PPP1R16B: variants seen among roughly 807,000 people sequenced by gnomAD.
PPP1R16B encodes protein phosphatase 1 regulatory inhibitor subunit 16B.
A neutral mutation model predicts 61.7 loss-of-function variants in PPP1R16B; 14 were observed. That is an observed-to-expected ratio of 0.23 (90% CI 0.15 to 0.35). The LOEUF (loss-of-function observed/expected upper bound fraction) is 0.35, where lower values mean the gene tolerates loss of function less well. Ranked by LOEUF, PPP1R16B falls within the 10% of genes least tolerant of loss-of-function variation. The pLI, the probability that PPP1R16B is intolerant of heterozygous loss-of-function variation, is 1.00. For missense variants in PPP1R16B, 547 were observed against 752.5 expected (o/e 0.73, Z 3.19); for synonymous variants, 266 against 305.3 (o/e 0.87, Z 1.34).
chr20:38,882,700 G>A (rs961262144), intron 2 of PPP1R16B, among the ~76,000 whole-genome samples: 2 of 152,182 alleles, frequency 1.3e-5, no homozygotes, highest in Admixed American at 6.5e-5. Flanking sequence ...TGCTGTAAAG[G>A]ACAAAAGCAG....
intron 10 of PPP1R16B, among the ~76,000 whole-genome samples, chr20:38,917,520 G>C (rs2085552270): frequency 6.6e-6 from 1 of 152,066 alleles, no homozygotes; most frequent in African/African-American, 2.4e-5. Flanking sequence ...TGTTATCCAA[G>C]GATTATTAGG....
intron 10 of PPP1R16B, among the ~76,000 whole-genome samples, chr20:38,910,011 G>A (rs1265229458): frequency 1.3e-5 from 2 of 151,862 alleles, no homozygotes; most frequent in South Asian, 2.1e-4. Flanking sequence ...ATGGAGCCTC[G>A]CTCTGTTACC....
chr20:38,820,903 T>C (rs1262377264), intron 1 of PPP1R16B, among the ~76,000 whole-genome samples: 1 of 151,630 alleles, frequency 6.6e-6, no homozygotes, highest in Non-Finnish European at 1.5e-5. Context: ...TAGCTAGGCA[T>C]GGTGGCAGGC....
At position 38,833,404 on chromosome 20, in the gene PPP1R16B, A is replaced by G. The variant is rs183272049; in HGVS notation, c.-101-2421A>G. Among the ~76,000 whole-genome samples, 367 of 152,304 alleles carry G rather than the reference A, an allele frequency of 2.4e-3. 6 individuals carry two copies. The highest frequency in any genetic ancestry group is 1.3e-3 in the Non-Finnish European group (91 of 68,014). On this transcript the variant is annotated intron_variant, in intron 1 of 10. Coordinates refer to ENST00000299824, the MANE Select transcript of PPP1R16B (RefSeq NM_015568.4). The stretch of plus-strand genomic sequence containing the variant: ...TGCATAAAACAAAACACATCCAAAT[A>G]AGTACATGTGAAACTAGGGAAATCG...
At chr20:38,870,165 T>G (rs567670221) in intron 2 of PPP1R16B, among the ~76,000 whole-genome samples, 1 of 152,010 alleles carries the variant, frequency 6.6e-6, no homozygotes, top group Non-Finnish European at 1.5e-5. Flanking sequence ...CTCAAGTGAT[T>G]CACCTCAAGT....
intron 2 of PPP1R16B, among the ~76,000 whole-genome samples, chr20:38,839,824 C>T (rs987256199): frequency 1.3e-5 from 2 of 152,168 alleles, no homozygotes; most frequent in African/African-American, 4.8e-5. Flanking sequence ...CTAACTAGCT[C>T]CTTATTGATG....
At chr20:38,813,109 TCA>T (rs1219216531) in intron 1 of PPP1R16B, among the ~76,000 whole-genome samples, 1 of 152,214 alleles carries the variant, frequency 6.6e-6, no homozygotes, top group Non-Finnish European at 1.5e-5. Flanking sequence ...TTGTGCCTGT[TCA>T]CACAGCCATC....
chr20:38,839,998 G>A (rs1219792024), intron 2 of PPP1R16B, among the ~76,000 whole-genome samples: 1 of 152,252 alleles, frequency 6.6e-6, no homozygotes, highest in African/African-American at 2.4e-5. Context: ...CTGTCTCTAT[G>A]GGGCAGCCAA....
At position 38,895,702 on chromosome 20, in the gene PPP1R16B, C is replaced by G; in HGVS notation, c.459C>G (p.Leu153=). ...GCCACATCAACCTGGTGAAGATCCTCGTTCAGTAGTACGTGCCCCTCCCTG... is the reference window on the plus strand; with the variant it reads ...GCCACATCAACCTGGTGAAGATCCTGGTTCAGTAGTACGTGCCCCTCCCTG... The part of the protein sequence containing the change: ...TCGHINLVKI[L]VQYGADLLAV... The change falls in exon 4 of 11, where the codon CTC becomes CTG. Residue 153 remains leucine, a synonymous_variant. Coordinates refer to ENST00000299824, the MANE Select transcript of PPP1R16B (RefSeq NM_015568.4). 1 of 1,614,080 alleles carries G rather than the reference C, an allele frequency of 6.2e-7. No individual in the cohort carries two copies. Among genetic ancestry groups the G allele is most frequent in the South Asian group, 1.1e-5 (1 of 91,064 alleles).
Position 38,918,237 on chromosome 20 carries a change from G to A in PPP1R16B, c.1275G>A (p.Glu425=). The A allele has an allele frequency of 6.2e-7, 1 of 1,614,262 alleles. No individual in the cohort carries two copies. Residue 425 remains glutamate (E), a synonymous_variant, in exon 11 of 11, where the codon GAG becomes GAA. Transcript: ENST00000299824. This position sits in a 1 kb window ranked among gnomAD's most constrained non-coding sequence, Gnocchi z 5.3. ...GAGGTGAACTGGACATGCCTGTTGA[G>A]AATGGCCTCCGGGCTCCGGTCAGTG... ...IPRGELDMPV[E]NGLRAPVSAY...
intron 5 of PPP1R16B, 76 bp from the exon 6 acceptor site, chr20:38,902,592 C>T: frequency 6.3e-7 from 1 of 1,583,932 alleles, no homozygotes; most frequent in Non-Finnish European, 8.6e-7. Context: ...AGCCATGCCT[C>T]CCTCATCTGC....
chr20:38,909,972 CTTTTTTTA>C lies in PPP1R16B; in HGVS notation c.1194+1797_1194+1804del, dbSNP rs549228200. Among the ~76,000 whole-genome samples, 9 of 152,160 alleles carry C rather than the reference CTTTTTTTA, an allele frequency of 5.9e-5. No individual in the cohort carries two copies. In the South Asian group the frequency reaches 6.2e-4, roughly 11 times the overall value. On this transcript the variant is annotated intron_variant, in intron 10 of 10. Transcript: ENST00000299824. ...CTTAAGTATGGTAAAGCAGACAAAT[CTTTTTTTA>C]TTTTTTTATTTTTTTATGATATGGA...
rs2145697794 is a variant in PPP1R16B, at chr20:38,806,238, G to C, written c.-102+446G>C. Among the ~76,000 whole-genome samples the C allele has an allele frequency of 6.6e-6, 1 of 152,232 alleles. No homozygotes were observed. The highest frequency in any genetic ancestry group is 1.5e-5 in the Non-Finnish European group (1 of 67,996). On this transcript the variant is annotated intron_variant, in intron 1 of 10. Transcript: ENST00000299824. The surrounding 1 kb of genome is among the most constrained non-coding windows in gnomAD (Gnocchi z 4.5). Reference sequence around the variant, plus strand: ...CGCACTCTCCCGGCCGGGCATGGTGGTGCCGCCCCCTCGCGTGGCGGGGCT... The same window carrying C: ...CGCACTCTCCCGGCCGGGCATGGTGCTGCCGCCCCCTCGCGTGGCGGGGCT...
At chr20:38,820,758 T>C (rs112126359) in intron 1 of PPP1R16B, among the ~76,000 whole-genome samples, 7,442 of 151,402 alleles carry the variant, frequency 0.049, 194 homozygotes, top group Non-Finnish European at 0.062. Context: ...TTGAGCCAGG[T>C]GCGGTGGCTC....
At chr20:38,827,409 G>A (rs1307073712) in intron 1 of PPP1R16B, among the ~76,000 whole-genome samples, 3 of 152,168 alleles carry the variant, frequency 2.0e-5, no homozygotes, top group Non-Finnish European at 2.9e-5. Context: ...CTTGTTAAAT[G>A]TGTGGTTTTT....
chr20:38,808,175 G>A (rs961103067), intron 1 of PPP1R16B, among the ~76,000 whole-genome samples: 2 of 152,154 alleles, frequency 1.3e-5, no homozygotes, highest in Admixed American at 6.5e-5. Flanking sequence ...TCACAACCCC[G>A]TGAAGTAGGC....
At chr20:38,842,181 A>G (rs2145723978) in intron 2 of PPP1R16B, among the ~76,000 whole-genome samples, 1 of 152,324 alleles carries the variant, frequency 6.6e-6, no homozygotes, top group African/African-American at 2.4e-5. Context: ...GTATTTAACC[A>G]CCAGGCAGTC....
chr20:38,840,613 A>G (rs208822), intron 2 of PPP1R16B, among the ~76,000 whole-genome samples: 147,295 of 152,282 alleles, frequency 0.97, 71,270 homozygotes, highest in East Asian at 1. Context: ...CTTTGAGTCC[A>G]GCGTGATCTC....
chr20:38,910,158 T>C (rs1489165216), intron 10 of PPP1R16B, among the ~76,000 whole-genome samples: 43 of 152,038 alleles, frequency 2.8e-4, no homozygotes, highest in Admixed American at 2.8e-3. Context: ...TTTGTATTTT[T>C]AGTAGAGATG....
Sources: gnomAD v4.1 joint callset for allele counts (sites outside exome capture counted in the v4.1 genomes callset) on GRCh38, gnomAD v4.1.1 for gene constraint, Gnocchi (gnomAD v3.1) non-coding constraint, MANE v1.5 for transcripts, NCBI Gene and HGNC (gene_info 2026-07-23, HGNC 2026-07-21) for gene names.